The following CCDC141 variants were observed in gnomAD, a reference collection of about 807,000 sequenced individuals.
CCDC141 encodes coiled-coil domain containing 141, also known as coiled-coil domain-containing protein 141.
CCDC141 carries 168 observed loss-of-function variants against 181.0 expected under a neutral mutation model. That is an observed-to-expected ratio of 0.93 (90% CI 0.82 to 1.05). CCDC141 has a LOEUF of 1.05. Ranked by LOEUF, CCDC141 falls within the 50% of genes least tolerant of loss-of-function variation. The probability of loss-of-function intolerance (pLI) is 0.00; values close to 1 mark genes in which losing one functional copy is unlikely to be tolerated. For missense variants in CCDC141, 1,902 were observed against 1,788.5 expected (o/e 1.06, Z -1.14); for synonymous variants, 666 against 642.3 (o/e 1.04, Z -0.56).
At chr2:178,955,290 G>GA (rs1690113967) in intron 5 of CCDC141, among the ~76,000 whole-genome samples, 1 of 151,498 alleles carries the variant, frequency 6.6e-6, no homozygotes, top group Non-Finnish European at 1.5e-5. Context: ...GTCTCAAAAA[G>GA]AAAATAATAA....
Position 178,837,618 on chromosome 2 carries a change from G to A in CCDC141, c.3601C>T (p.Leu1201Phe), listed in dbSNP as rs778933944. Residue 1201 changes from leucine to phenylalanine, a missense_variant, in exon 23 of 24, where the codon CTC becomes TTC. Coordinates refer to ENST00000443758, the MANE Select transcript of CCDC141 (RefSeq NM_173648.4). ...VQDLLLPEDM[L>F]SGEEYECVSP... ...ACACACTCATATTCTTCCCCTGAGA[G>A]CATGTCTTCAGGCAGGAGCAGGTCC... 1 of 1,614,042 alleles carries A rather than the reference G, an allele frequency of 6.2e-7. No homozygotes were observed.
At chr2:179,043,632 A>T (rs906130442) in intron 2 of CCDC141, among the ~76,000 whole-genome samples, 3 of 152,240 alleles carry the variant, frequency 2.0e-5, no homozygotes, top group African/African-American at 7.2e-5. Flanking sequence ...ACATCCCTTC[A>T]TGTTAAAAAC....
intron 2 of CCDC141, among the ~76,000 whole-genome samples, chr2:179,041,059 T>TTTTGTTTGTTTG (rs140907026): frequency 4.6e-5 from 7 of 151,500 alleles, no homozygotes; most frequent in South Asian, 2.1e-4. Flanking sequence ...TCTGCTGTTG[T>TTTTGTTTGTTTG]TTTGTTTGTT....
chr2:178,867,951 G>T, intron 16 of CCDC141, 75 bp downstream of exon 16: 1 of 1,196,890 alleles, frequency 8.4e-7, no homozygotes, highest in Non-Finnish European at 1.2e-6. Context: ...TAAGCAATCT[G>T]CCTGGTTTCT....
chr2:178,992,047 T>C (rs1474308294), intron 2 of CCDC141, among the ~76,000 whole-genome samples: 1 of 151,962 alleles, frequency 6.6e-6, no homozygotes, highest in Non-Finnish European at 1.5e-5. Context: ...TTCTCAAGTA[T>C]GTACCCAAAA....
At chr2:178,965,270 T>C (rs192420436) in intron 4 of CCDC141, among the ~76,000 whole-genome samples, 1 of 152,334 alleles carries the variant, frequency 6.6e-6, no homozygotes, top group Non-Finnish European at 1.5e-5. Flanking sequence ...AATAGTGTAA[T>C]GGGCCACCAG....
At position 178,885,058 on chromosome 2, in the gene CCDC141, G is replaced by A. The variant is rs1223501945; in HGVS notation, c.1562C>T (p.Thr521Ile). 6.5e-7 allele frequency: 1 copy of A among 1,549,928 alleles called. No homozygotes were observed. The highest frequency in any genetic ancestry group is 2.0e-5 in the Admixed American group (1 of 50,984). The change falls in exon 11 of 24, where the codon ACC becomes ATC. Residue 521 changes from threonine (T) to isoleucine (I), a missense_variant. Thr to Ile is a moderately conservative substitution (Grantham distance 89). Transcript: ENST00000443758. ...TSHELEAAAK[T>I]MMEKNEFVSD... ...TACAAATTCATTTTTCTCCATCATG[G>A]TTTTTGCAGCTGCTTCTAATTCATG...
At chr2:178,973,670 C>T (rs895297273) in intron 4 of CCDC141, among the ~76,000 whole-genome samples, 26 of 152,182 alleles carry the variant, frequency 1.7e-4, no homozygotes, top group Admixed American at 1.5e-3. Flanking sequence ...TGGAAAAGCC[C>T]CTACTTCTAC....
chr2:178,889,877 C>T (rs577638829), intron 8 of CCDC141, among the ~76,000 whole-genome samples: 2 of 152,298 alleles, frequency 1.3e-5, no homozygotes, highest in African/African-American at 4.8e-5. Flanking sequence ...ATAATCAAGA[C>T]ATCAGGAGAT....
At chr2:179,043,393 C>A (rs2043378470) in intron 2 of CCDC141, among the ~76,000 whole-genome samples, 1 of 151,962 alleles carries the variant, frequency 6.6e-6, no homozygotes, top group Non-Finnish European at 1.5e-5. Context: ...GGCAGAGATA[C>A]AACAAAAAAA....
intron 2 of CCDC141, among the ~76,000 whole-genome samples, chr2:178,979,335 T>G (rs899412634): frequency 1.3e-5 from 2 of 152,082 alleles, no homozygotes; most frequent in African/African-American, 4.8e-5. Flanking sequence ...AAGAGTACAG[T>G]AGACTAAAAT....
chr2:179,012,072 C>T (rs539978922), intron 2 of CCDC141, among the ~76,000 whole-genome samples: 1 of 152,004 alleles, frequency 6.6e-6, no homozygotes, highest in African/African-American at 2.4e-5. Context: ...ACTATAGAAA[C>T]AAGAACCAAA....
chr2:178,985,695 G>A (rs1276911939), intron 2 of CCDC141, among the ~76,000 whole-genome samples: 7 of 152,088 alleles, frequency 4.6e-5, no homozygotes, highest in Non-Finnish European at 5.9e-5. Context: ...ACACCACTAC[G>A]CAAATAAACT....
chr2:178,853,677 T>C, intron 19 of CCDC141, 53 bp from the exon 20 acceptor site: 3 of 1,489,734 alleles, frequency 2.0e-6, no homozygotes, highest in Non-Finnish European at 2.7e-6. Flanking sequence ...CCTTCTAAAG[T>C]TCTTAATTTT....
chr2:178,953,568 G>A (rs932589821), intron 5 of CCDC141, among the ~76,000 whole-genome samples: 4 of 152,122 alleles, frequency 2.6e-5, no homozygotes, highest in African/African-American at 4.8e-5. Flanking sequence ...GAGGCTGATC[G>A]TGCATCATTA....
chr2:178,945,079 A>AT (rs1327863262), intron 5 of CCDC141, among the ~76,000 whole-genome samples: 4 of 152,202 alleles, frequency 2.6e-5, no homozygotes, highest in Non-Finnish European at 5.9e-5. Flanking sequence ...CTGCCATAAA[A>AT]TAGACTATGC....
intron 6 of CCDC141, among the ~76,000 whole-genome samples, chr2:178,923,883 C>CCT (rs1688814670): frequency 6.6e-6 from 1 of 152,124 alleles, no homozygotes; most frequent in Admixed American, 6.5e-5. Context: ...TGCTGACAGA[C>CCT]AAGAAGGCGA....
intron 17 of CCDC141, among the ~76,000 whole-genome samples, chr2:178,859,910 G>A (rs1685530527): frequency 6.6e-6 from 1 of 152,194 alleles, no homozygotes; most frequent in African/African-American, 2.4e-5. Context: ...GACGAAGCTG[G>A]TTGAGCCAGC....
At chr2:179,016,482 C>A (rs1364769775) in intron 2 of CCDC141, among the ~76,000 whole-genome samples, 3 of 152,042 alleles carry the variant, frequency 2.0e-5, no homozygotes, top group Non-Finnish European at 4.4e-5. Context: ...AGGATTTCTG[C>A]AGGTCTGAAA....
Sources: allele counts gnomAD v4.1 joint callset (sites outside exome capture counted in the v4.1 genomes callset), GRCh38; gene constraint gnomAD v4.1.1; transcripts MANE v1.5; gene names NCBI Gene and HGNC (gene_info 2026-07-23, HGNC 2026-07-21).